UNKL: variants seen among roughly 807,000 people sequenced by gnomAD.
The protein encoded by UNKL is unk like zinc finger.
UNKL carries 60 observed loss-of-function variants against 78.0 expected under a neutral mutation model. That is an observed-to-expected ratio of 0.77 (90% CI 0.63 to 0.95). UNKL has a LOEUF of 0.95. UNKL is among the 40% of genes least tolerant of loss of function. The pLI is 0.00. For synonymous variants in UNKL, 608 were observed against 474.8 expected (o/e 1.28, Z -3.65); for missense variants, 1,159 against 1,045.7 (o/e 1.11, Z -1.49).
chr16:1,398,006 C>G (rs1456440178), intron 5 of UNKL, among the ~76,000 whole-genome samples: 1 of 152,244 alleles, frequency 6.6e-6, no homozygotes, highest in African/African-American at 2.4e-5. Context: ...GGCTGTTCTT[C>G]ACAGAATTTA....
chr16:1,375,421 C>T (rs1236382236), intron 10 of UNKL, among the ~76,000 whole-genome samples: 1 of 152,218 alleles, frequency 6.6e-6, no homozygotes, highest in Non-Finnish European at 1.5e-5. Flanking sequence ...CCCTCGTCCA[C>T]ACGCCAGCCG....
intron 8 of UNKL, among the ~76,000 whole-genome samples, chr16:1,391,729 C>A (rs912606629): frequency 2.0e-5 from 3 of 152,122 alleles, no homozygotes; most frequent in Non-Finnish European, 4.4e-5. Context: ...ACTCTGTCAT[C>A]CAGGCTGGAG....
intron 2 of UNKL, among the ~76,000 whole-genome samples, chr16:1,413,226 A>T (rs577609637): frequency 3.8e-4 from 50 of 129,914 alleles, no homozygotes; most frequent in African/African-American, 1.5e-3. Flanking sequence ...CCCCAGCGAC[A>T]GAGCAAGACC....
At position 1,370,138 on chromosome 16, in the gene UNKL, C is replaced by A; in HGVS notation, c.1577G>T (p.Ser526Ile). The A allele has an allele frequency of 1.3e-6, 2 of 1,524,418 alleles. No homozygotes were observed. Among genetic ancestry groups the A allele is most frequent in the Non-Finnish European group, 1.8e-6 (2 of 1,131,706 alleles). 94.4% of individuals were successfully genotyped at this position (1,524,418 alleles called of 1,614,324 possible). Residue 526 changes from serine (S) to isoleucine (I), a missense_variant, in exon 12 of 15, where the codon AGC (serine) becomes ATC (isoleucine). By Grantham distance (142) the Ser-to-Ile change is moderately radical (BLOSUM62 -2). Coordinates refer to ENST00000389221, the MANE Select transcript of UNKL (RefSeq NM_001372107.1). ...GTLGSAASSY[S>I]PLGLNGVPGS... Reference sequence around the variant, plus strand: ...AGGGAGCCGGCACTCACCTAGGGGGCTGTAGGATGAGGCTGCAGAGCCCAG... The same window carrying A: ...AGGGAGCCGGCACTCACCTAGGGGGATGTAGGATGAGGCTGCAGAGCCCAG...
At chr16:1,398,896 G>A in intron 5 of UNKL, 1 of 1,572,248 alleles carries the variant, frequency 6.4e-7, no homozygotes, top group Non-Finnish European at 8.6e-7. Context: ...CCCTTGGGTT[G>A]TTGGCCCTGG....
intron 12 of UNKL, chr16:1,368,217 A>T (rs1316833251): frequency 5.4e-5 from 18 of 333,192 alleles, no homozygotes; most frequent in Non-Finnish European, 1.0e-4. Context: ...ACACACTGAG[A>T]CTCTCAAAGA....
chr16:1,394,490 A>G (rs775734445), intron 6 of UNKL: 1 of 623,802 alleles, frequency 1.6e-6, no homozygotes, highest in Non-Finnish European at 3.0e-6. Context: ...CCCGCTTGAT[A>G]TTTTCTGAAA....
intron 6 of UNKL, among the ~76,000 whole-genome samples, chr16:1,396,487 G>A (rs2037265843): frequency 6.7e-6 from 1 of 149,370 alleles, no homozygotes; most frequent in Non-Finnish European, 1.5e-5. Flanking sequence ...TGTTGACCAG[G>A]CTGGTTTCGA....
At position 1,363,782 on chromosome 16, in the gene UNKL, A is replaced by T. The variant is rs973907917; in HGVS notation, c.*2458T>A. On this transcript the variant is annotated 3_prime_UTR_variant, in exon 15 of 15. Transcript: ENST00000389221. The stretch of plus-strand genomic sequence containing the variant: ...CATTTCCAACCCTGGCAGCGCTGCC[A>T]GCCATTCTTTGGTCTTCCCACTGCT... 1 of 159,124 alleles carries T rather than the reference A, an allele frequency of 6.3e-6. No individual in the cohort carries two copies. Among genetic ancestry groups the T allele is most frequent in the African/African-American group, 2.4e-5 (1 of 41,440 alleles). 9.9% of individuals were successfully genotyped at this position (159,124 alleles called of 1,614,324 possible).
Position 1,403,988 on chromosome 16 carries a change from C to T in UNKL, c.288-644G>A, listed in dbSNP as rs191345481. 1.3e-5 allele frequency among the ~76,000 whole-genome samples: 2 copies of T among 152,256 alleles called. No homozygotes were observed. Among genetic ancestry groups the T allele is most frequent in the East Asian group, 1.9e-4 (1 of 5,178 alleles). The stretch of plus-strand genomic sequence containing the variant: ...GGAGTCACAGGCAGCTCCTGAAGCA[C>T]GATGGGGTGCAGTGGAGAGGGGAAG... On this transcript the variant is annotated intron_variant, in intron 2 of 14. Transcript: ENST00000389221. The surrounding 1 kb of genome is among the most constrained non-coding windows in gnomAD (Gnocchi z 4.8).
At chr16:1,367,058 G>T (rs995316574) in intron 14 of UNKL, 34 bp downstream of exon 14, 5 of 1,487,462 alleles carry the variant, frequency 3.4e-6, no homozygotes, top group Non-Finnish European at 4.5e-6. Context: ...CTGCAGGCAG[G>T]CTGGCCCCTC....
At chr16:1,414,531 C>T (rs1488530345) in intron 1 of UNKL, 84 bp downstream of exon 1, 4 of 356,116 alleles carry the variant, frequency 1.1e-5, no homozygotes, top group Non-Finnish European at 1.6e-5. Context: ...GGCGCGGGGG[C>T]GGCGGAGGCG....
intron 2 of UNKL, among the ~76,000 whole-genome samples, chr16:1,409,952 C>T (rs1312007584): frequency 6.6e-6 from 1 of 151,752 alleles, no homozygotes; most frequent in East Asian, 1.9e-4. Context: ...TGGTGGCACA[C>T]GCCTGTAATC....
chr16:1,414,184 G>T, intron 1 of UNKL, 129 bp from the exon 2 acceptor site: 1 of 927,794 alleles, frequency 1.1e-6, no homozygotes, highest in Non-Finnish European at 1.6e-6. Flanking sequence ...TTCCCGGCGG[G>T]CCCCAGGCGC....
At chr16:1,394,431 G>A in intron 6 of UNKL, 1 of 695,856 alleles carries the variant, frequency 1.4e-6, no homozygotes, top group Non-Finnish European at 2.6e-6. Flanking sequence ...GCACACATGT[G>A]GGGCCATTCC....
Position 1,364,109 on chromosome 16 carries a change from A to G in UNKL, c.*2131T>C, listed in dbSNP as rs1226560803. ...ATACAAATAAAAACAGAGTTTACACATCGATGACAGTAGCACAAAATATAC... is the reference window on the plus strand; with the variant it reads ...ATACAAATAAAAACAGAGTTTACACGTCGATGACAGTAGCACAAAATATAC... On this transcript the variant is annotated 3_prime_UTR_variant, in exon 15 of 15. Transcript: ENST00000389221. 2 of 152,242 alleles carry G rather than the reference A, an allele frequency of 1.3e-5. No individual in the cohort carries two copies. Among genetic ancestry groups the G allele is most frequent in the Non-Finnish European group, 2.9e-5 (2 of 68,040 alleles). The allele number at this position is 152,242 out of a possible 1,614,324, so 9.4% of individuals were successfully genotyped here. A position where few individuals can be genotyped will look rare whatever the true frequency, so the allele number is the denominator to read the frequency against.
intron 13 of UNKL, 55 bp from the exon 14 acceptor site, chr16:1,367,404 C>T: frequency 6.7e-7 from 1 of 1,496,474 alleles, no homozygotes; most frequent in South Asian, 1.3e-5. Context: ...CACCTGCAGA[C>T]CCTCTTGCCT....
In UNKL at chr16:1,399,117, G is replaced by A. The variant is rs2037401915; in HGVS notation, c.734+257C>T. 8.4e-7 allele frequency: 1 copy of A among 1,189,272 alleles called. No individual in the cohort carries two copies. Among genetic ancestry groups the A allele is most frequent in the African/African-American group, 1.5e-5 (1 of 64,534 alleles). The allele number at this position is 1,189,272 out of a possible 1,614,324, so 73.7% of individuals were successfully genotyped here. ...CCCTCCTGCAGTGCTCCGTCCCCTT[G>A]CCTGGCAGAGGGGCCCCGGTAGGGG... On this transcript the variant is annotated intron_variant, in intron 5 of 14. Coordinates refer to ENST00000389221, the MANE Select transcript of UNKL (RefSeq NM_001372107.1). The surrounding 1 kb of genome is among the most constrained non-coding windows in gnomAD (Gnocchi z 5.8).
chr16:1,376,894 A>C (rs984773253), intron 10 of UNKL, among the ~76,000 whole-genome samples: 3 of 152,170 alleles, frequency 2.0e-5, no homozygotes, highest in Admixed American at 1.3e-4. Context: ...GCTGTCCTGA[A>C]CCCAGACCTC....
Sources: gnomAD v4.1 joint callset for allele counts (sites outside exome capture counted in the v4.1 genomes callset) on GRCh38, gnomAD v4.1.1 for gene constraint, Gnocchi (gnomAD v3.1) non-coding constraint, MANE v1.5 for transcripts, NCBI Gene and HGNC (gene_info 2026-07-23, HGNC 2026-07-21) for gene names.